Variants in RAB7B observed in about 807,000 individuals in gnomAD.
The protein encoded by RAB7B is ras-related protein Rab-7b.
At position 205,994,106 on chromosome 1, in the gene RAB7B, T is replaced by C; in HGVS notation, c.30A>G (p.Lys10=). 2.5e-6 allele frequency: 1 copy of C among 398,400 alleles called. No homozygotes were observed. The highest frequency in any genetic ancestry group is 4.4e-6 in the Non-Finnish European group (1 of 226,070). The allele number at this position is 398,400 out of a possible 1,614,324, so 24.7% of individuals were successfully genotyped here. A position where few individuals can be genotyped will look rare whatever the true frequency, so the allele number is the denominator to read the frequency against. Reference sequence around the variant, plus strand: ...ACCCAATGGCTCCGACGATAATGAGTTTCAGGTCCACCTTCTTCCGGGGAT... The same window carrying C: ...ACCCAATGGCTCCGACGATAATGAGCTTCAGGTCCACCTTCTTCCGGGGAT... The part of the protein sequence containing the change: MNPRKKVDL[K]LIIVGAIGVG... Residue 10 remains lysine (K), a synonymous_variant, in exon 2 of 6, where the codon AAA becomes AAG. Coordinates refer to ENST00000617070, the MANE Select transcript of RAB7B (RefSeq NM_001164522.3).
At chr1:205,994,296 T>A in intron 1 of RAB7B, 145 bp from the exon 2 acceptor site, 1 of 389,712 alleles carries the variant, frequency 2.6e-6, no homozygotes, top group Non-Finnish European at 4.5e-6. Context: ...AGGAGGCACG[T>A]AATTCAGCAA....
chr1:205,993,116 T>C (rs1660752669), intron 3 of RAB7B, among the ~76,000 whole-genome samples: 1 of 152,214 alleles, frequency 6.6e-6, no homozygotes, highest in African/African-American at 2.4e-5. Flanking sequence ...TTTTTTTCTA[T>C]AAATAACAGA....
chr1:205,985,769 CCA>C, intron 4 of RAB7B, 104 bp from the exon 5 acceptor site: 1 of 259,512 alleles, frequency 3.9e-6, no homozygotes, highest in Non-Finnish European at 6.6e-6. Context: ...ACCATCCCCA[CCA>C]TCCCCATCAT....
Position 205,998,075 on chromosome 1 carries a change from G to T in RAB7B, c.-16-3924C>A, listed in dbSNP as rs925308878. ...TTTGAATCAAAGGCTGAGAAGGCAG[G>T]CTGGGTGCCGTGTCTCAAGCCTGTA... is the stretch of plus-strand genomic sequence containing the variant. On this transcript the variant is annotated intron_variant, in intron 1 of 5. Transcript: ENST00000617070. 6.2e-3 allele frequency among the ~76,000 whole-genome samples: 950 copies of T among 152,296 alleles called. 8 individuals carry two copies. Among genetic ancestry groups the T allele is most frequent in the African/African-American group, 0.022 (901 of 41,570 alleles).
chr1:205,992,287 C>T (rs1157242882), intron 4 of RAB7B, among the ~76,000 whole-genome samples, 193 bp downstream of exon 4: 4 of 152,224 alleles, frequency 2.6e-5, no homozygotes, highest in Admixed American at 6.5e-5. Context: ...TTTCATTTAC[C>T]GTATTGTACC....
At chr1:205,996,853 A>T (rs1660818673) in intron 1 of RAB7B, among the ~76,000 whole-genome samples, 1 of 152,042 alleles carries the variant, frequency 6.6e-6, no homozygotes, top group African/African-American at 2.4e-5. Flanking sequence ...AGTGAGGAAA[A>T]GCCCCTTATA....
chr1:205,979,646 C>T (rs1660450490), intron 5 of RAB7B, among the ~76,000 whole-genome samples: 1 of 152,126 alleles, frequency 6.6e-6, no homozygotes, highest in Non-Finnish European at 1.5e-5. Context: ...CAAGGGATCC[C>T]ATCTCTTCAC....
At chr1:205,982,518 C>T (rs1660513929) in intron 5 of RAB7B, among the ~76,000 whole-genome samples, 1 of 152,150 alleles carries the variant, frequency 6.6e-6, no homozygotes, top group Non-Finnish European at 1.5e-5. Flanking sequence ...CATGTAATGC[C>T]CTCTCTGCAC....
intron 5 of RAB7B, among the ~76,000 whole-genome samples, chr1:205,979,524 C>A (rs1660448238): frequency 6.6e-6 from 1 of 152,178 alleles, no homozygotes; most frequent in Admixed American, 6.5e-5. Context: ...CCAGCTGGCT[C>A]CACTTCTCAC....
At chr1:205,992,993 G>C (rs1038849072) in intron 3 of RAB7B, among the ~76,000 whole-genome samples, 1 of 152,180 alleles carries the variant, frequency 6.6e-6, no homozygotes, top group Admixed American at 6.5e-5. Context: ...CTTGGACCTC[G>C]GGAATGTCTT....
Position 205,992,488 on chromosome 1 carries a change from C to T in RAB7B, c.388G>A (p.Asp130Asn), listed in dbSNP as rs1325544631. The T allele has an allele frequency of 1.3e-5, 5 of 398,566 alleles. No homozygotes were observed. Among genetic ancestry groups the T allele is most frequent in the African/African-American group, 1.0e-4 (5 of 48,640 alleles). 24.7% of individuals were successfully genotyped at this position (398,566 alleles called of 1,614,324 possible). ...AAATGAACGAACAGTACCTTCCGGT[C>T]TGCCAGATCGATCTTGTTCCCCAAC... is the stretch of plus-strand genomic sequence containing the variant. ...VLLGNKIDLA[D>N]RKVPQEVAQG... Residue 130 changes from aspartate to asparagine, a missense_variant, in exon 4 of 6, where the codon GAC (aspartate) becomes AAC (asparagine). Physicochemically the swap from Asp to Asn is conservative, Grantham distance 23. Transcript: ENST00000617070.
chr1:205,987,642 A>T (rs1434898178), intron 4 of RAB7B, among the ~76,000 whole-genome samples: 1 of 152,246 alleles, frequency 6.6e-6, no homozygotes, highest in Non-Finnish European at 1.5e-5. Context: ...TCACTGGCAA[A>T]TCAGAAATTA....
chr1:205,985,597 C>T lies in RAB7B; in HGVS notation c.465G>A (p.Lys155=). The T allele has an allele frequency of 2.5e-6, 1 of 399,138 alleles. No homozygotes were observed. The highest frequency in any genetic ancestry group is 4.4e-6 in the Non-Finnish European group (1 of 226,348). The allele number at this position is 399,138 out of a possible 1,614,324, so 24.7% of individuals were successfully genotyped here. A position where few individuals can be genotyped will look rare whatever the true frequency, so the allele number is the denominator to read the frequency against. Reference sequence around the variant, plus strand: ...ACGCTTGCACCACATTGATGTCATTCTTGGCACTGACTTCAAAGTAAGGAA... The same window carrying T: ...ACGCTTGCACCACATTGATGTCATTTTTGGCACTGACTTCAAAGTAAGGAA... ...KDIPYFEVSA[K]NDINVVQAFE... Residue 155 remains lysine, a synonymous_variant, in exon 5 of 6, where the codon AAG becomes AAA. Transcript: ENST00000617070.
intron 5 of RAB7B, among the ~76,000 whole-genome samples, chr1:205,981,827 A>G (rs934601743): frequency 1.7e-4 from 22 of 132,324 alleles, no homozygotes; most frequent in African/African-American, 5.6e-4. Context: ...TTCTTTCACA[A>G]TGTTAACTGA....
chr1:205,988,976 C>T (rs893391005), intron 4 of RAB7B, among the ~76,000 whole-genome samples: 6 of 152,066 alleles, frequency 3.9e-5, no homozygotes, highest in Admixed American at 1.3e-4. Context: ...AATTAAAGCC[C>T]TTCTGCTCTC....
rs1660588724 is a variant in RAB7B at position 205,985,782 on chromosome 1, C to CAGG, written c.397-118_397-117insCCT. 2.9e-3 allele frequency: 208 copies of CAGG among 70,844 alleles called. 15 individuals carry two copies. Among genetic ancestry groups the CAGG allele is most frequent in the East Asian group, 0.023 (93 of 4,066 alleles). 4.4% of individuals were successfully genotyped at this position (70,844 alleles called of 1,614,324 possible). On this transcript the variant is annotated intron_variant, in intron 4 of 5. Transcript: ENST00000617070. Reference sequence around the variant, plus strand: ...CCACCATCCCCACCATCCCCATCATCCCCACCAGGCCCACCATCCCCACCA... The same window carrying CAGG: ...CCACCATCCCCACCATCCCCATCATCAGGCCCACCAGGCCCACCATCCCCACCA...
intron 4 of RAB7B, among the ~76,000 whole-genome samples, chr1:205,986,818 T>G (rs971862967): frequency 6.6e-6 from 1 of 152,134 alleles, no homozygotes; most frequent in Non-Finnish European, 1.5e-5. Flanking sequence ...GTCTTTCTCA[T>G]GGAGAAAGGA....
chr1:205,998,864 C>A (rs1660848120), intron 1 of RAB7B, among the ~76,000 whole-genome samples: 2 of 152,164 alleles, frequency 1.3e-5, no homozygotes, highest in African/African-American at 4.8e-5. Flanking sequence ...ATTAAGGACT[C>A]AAGAAATGCT....
intron 1 of RAB7B, among the ~76,000 whole-genome samples, chr1:205,997,398 G>A (rs1660824125): frequency 6.6e-6 from 1 of 152,204 alleles, no homozygotes; most frequent in Non-Finnish European, 1.5e-5. Flanking sequence ...TGAAGCATGT[G>A]GTTGGGGAGG....
Sources: allele counts gnomAD v4.1 joint callset (sites outside exome capture counted in the v4.1 genomes callset), GRCh38; gene constraint gnomAD v4.1.1; transcripts MANE v1.5; gene names NCBI Gene and HGNC (gene_info 2026-07-23, HGNC 2026-07-21).